SYN3: variants seen among roughly 807,000 people sequenced by gnomAD.
SYN3 encodes the protein synapsin-3.
Under a neutral mutation model 65.8 loss-of-function variants are expected in SYN3, and 35 were observed. That is an observed-to-expected ratio of 0.53 (90% CI 0.41 to 0.70). The LOEUF is 0.70. Ranked by LOEUF, SYN3 falls within the 30% of genes least tolerant of loss-of-function variation. SYN3 has a pLI of 0.00. For synonymous variants in SYN3, 270 were observed against 292.9 expected, an observed-to-expected ratio of 0.92 and a Z score of 0.80; for missense variants, 680 against 749.0, an observed-to-expected ratio of 0.91 and a Z score of 1.08.
chr22:32,938,716 C>T (rs1259909169), intron 3 of SYN3, among the ~76,000 whole-genome samples: 1 of 152,010 alleles, frequency 6.6e-6, no homozygotes, highest in Admixed American at 6.5e-5. Flanking sequence ...AACCTGAGGT[C>T]AGGAGTTCAA....
rs137969365 is a variant in SYN3, at chr22:32,716,892, A to G, written c.712-120156T>C. 4.1e-4 allele frequency among the ~76,000 whole-genome samples: 62 copies of G among 152,224 alleles called. No homozygotes were observed. The East Asian group carries it at 8.9e-3, about 22-fold the overall frequency. On this transcript the variant is annotated intron_variant, in intron 6 of 13. Coordinates refer to ENST00000358763, the MANE Select transcript of SYN3 (RefSeq NM_003490.4). ...CATTTTAAGTATTTTTAAGTGTACC[A>G]TTCAGTAGCATGAAATACAGGACAC...
chr22:32,664,584 C>CTTTTTTTT lies in SYN3; in HGVS notation c.712-67856_712-67849dup, dbSNP rs71320943. 3.3e-4 allele frequency among the ~76,000 whole-genome samples: 23 copies of CTTTTTTTT among 69,052 alleles called. 3 individuals carry two copies. The highest frequency in any genetic ancestry group is 1.3e-3 in the African/African-American group (18 of 13,452). The allele number at this position is 69,052 out of a possible 152,430, so 45.3% of individuals were successfully genotyped here. A position where few individuals can be genotyped will look rare whatever the true frequency, so the allele number is the denominator to read the frequency against. On this transcript the variant is annotated intron_variant, in intron 6 of 13. Coordinates refer to ENST00000358763, the MANE Select transcript of SYN3 (RefSeq NM_003490.4). ...AGCATACACTGTACTCAATTGGTCG[C>CTTTTTTTT]TTTTTTTTTTTTTTTTTTTTTTTTT... is the stretch of plus-strand genomic sequence containing the variant.
intron 2 of SYN3, among the ~76,000 whole-genome samples, chr22:32,994,922 C>A (rs1474631115): frequency 1.3e-5 from 2 of 152,228 alleles, no homozygotes; most frequent in Non-Finnish European, 2.9e-5. Flanking sequence ...ACCAGCTCCA[C>A]CCATGTCATT....
chr22:32,994,727 G>A (rs892312070), intron 2 of SYN3, among the ~76,000 whole-genome samples: 3 of 152,114 alleles, frequency 2.0e-5, no homozygotes, highest in African/African-American at 4.8e-5. Flanking sequence ...CCAGGATCTC[G>A]ACACCCTCCT....
At chr22:33,054,543 G>A (rs1421271142) in intron 1 of SYN3, among the ~76,000 whole-genome samples, 1 of 152,064 alleles carries the variant, frequency 6.6e-6, no homozygotes, top group Non-Finnish European at 1.5e-5. Flanking sequence ...AAACCACTTA[G>A]CCATTAAGCA....
At chr22:33,043,261 G>A (rs1046867604) in intron 1 of SYN3, among the ~76,000 whole-genome samples, 1 of 152,178 alleles carries the variant, frequency 6.6e-6, no homozygotes, top group African/African-American at 2.4e-5. Context: ...AAAAGCACAA[G>A]CAAGAGCTGG....
intron 6 of SYN3, among the ~76,000 whole-genome samples, chr22:32,685,927 G>T (rs913559843): frequency 9.7e-4 from 148 of 152,196 alleles, no homozygotes; most frequent in African/African-American, 3.5e-3. Context: ...ATTTTTAATA[G>T]GATGGGAAAA....
chr22:32,885,207 T>C (rs2146441157), intron 4 of SYN3, among the ~76,000 whole-genome samples: 1 of 152,086 alleles, frequency 6.6e-6, no homozygotes, highest in Non-Finnish European at 1.5e-5. Flanking sequence ...ATCTTCTGAA[T>C]ATGAAGATGA....
chr22:32,579,336 C>G (rs2058901027), intron 7 of SYN3, among the ~76,000 whole-genome samples: 1 of 152,192 alleles, frequency 6.6e-6, no homozygotes, highest in Non-Finnish European at 1.5e-5. Context: ...GCTGACAGCT[C>G]TGCAGGCTGG....
rs569304884 is a variant in SYN3, at chr22:32,738,710, T to G, written c.711+126205A>C. On this transcript the variant is annotated intron_variant, in intron 6 of 13. Coordinates refer to ENST00000358763, the MANE Select transcript of SYN3 (RefSeq NM_003490.4). Reference sequence around the variant, plus strand: ...GAAGGGAAAACAGAACATTCCAGAATAAAAGAACAGCAGGCAAAGACATGG... The same window carrying G: ...GAAGGGAAAACAGAACATTCCAGAAGAAAAGAACAGCAGGCAAAGACATGG... 1.1e-4 allele frequency among the ~76,000 whole-genome samples: 16 copies of G among 152,250 alleles called. 1 individual carries two copies. The South Asian group carries it at 3.3e-3, about 32-fold the overall frequency.
chr22:32,551,330 C>T (rs2058411420), intron 7 of SYN3, among the ~76,000 whole-genome samples: 1 of 152,124 alleles, frequency 6.6e-6, no homozygotes, highest in Admixed American at 6.5e-5. Flanking sequence ...ATAATGGCCC[C>T]TACCCCCACC....
intron 6 of SYN3, among the ~76,000 whole-genome samples, chr22:32,708,997 A>G (rs1291549962): frequency 6.6e-6 from 1 of 152,154 alleles, no homozygotes; most frequent in East Asian, 1.9e-4. Flanking sequence ...CGGGGCAGTG[A>G]TGGGAAGTGG....
At chr22:32,962,243 C>A (rs2051678742) in intron 3 of SYN3, among the ~76,000 whole-genome samples, 1 of 144,102 alleles carries the variant, frequency 6.9e-6, no homozygotes, top group African/African-American at 2.6e-5. Context: ...TCAAGCAATT[C>A]TCCTGCCTCA....
chr22:32,531,631 G>A (rs182541101), intron 10 of SYN3, among the ~76,000 whole-genome samples: 20 of 151,772 alleles, frequency 1.3e-4, no homozygotes, highest in African/African-American at 4.6e-4. Flanking sequence ...CACATTTTCA[G>A]TTCTCACCAC....
At chr22:32,768,088 G>A (rs976655808) in intron 6 of SYN3, among the ~76,000 whole-genome samples, 1 of 152,048 alleles carries the variant, frequency 6.6e-6, no homozygotes, top group Non-Finnish European at 1.5e-5. Context: ...TCCTTCCAAA[G>A]TTCCAATTAT....
chr22:32,563,766 T>C (rs2146365446), intron 7 of SYN3, among the ~76,000 whole-genome samples: 1 of 152,168 alleles, frequency 6.6e-6, no homozygotes, highest in African/African-American at 2.4e-5. Context: ...GCCTCCCAGG[T>C]TCAAGCGATT....
At chr22:32,869,766 T>G (rs929376443) in intron 4 of SYN3, among the ~76,000 whole-genome samples, 2 of 145,806 alleles carry the variant, frequency 1.4e-5, no homozygotes, top group African/African-American at 5.0e-5. Context: ...GCCGAGCCCA[T>G]GCCAGGCTAT....
intron 2 of SYN3, among the ~76,000 whole-genome samples, chr22:32,992,691 T>C (rs1326046442): frequency 6.6e-6 from 1 of 152,158 alleles, no homozygotes; most frequent in Non-Finnish European, 1.5e-5. Context: ...TATGTGCCTG[T>C]AGTCCCAGCT....
At chr22:32,802,275 G>A (rs964809335) in intron 6 of SYN3, among the ~76,000 whole-genome samples, 3 of 152,108 alleles carry the variant, frequency 2.0e-5, no homozygotes, top group Non-Finnish European at 4.4e-5. Context: ...GTCCTTGGGC[G>A]GGGGCGCTGG....
Sources: allele counts gnomAD v4.1 joint callset (sites outside exome capture counted in the v4.1 genomes callset), GRCh38; gene constraint gnomAD v4.1.1; transcripts MANE v1.5; gene names NCBI Gene and HGNC (gene_info 2026-07-23, HGNC 2026-07-21).